The following ACTR3C variants were observed in gnomAD, a reference collection of about 807,000 sequenced individuals.
The protein encoded by ACTR3C is actin related protein 3C, also known as actin-related protein 3C.
Under a neutral mutation model 26.3 loss-of-function variants are expected in ACTR3C, and 18 were observed. That is an observed-to-expected ratio of 0.68 (90% CI 0.47 to 1.01). The LOEUF is 1.01. Ranked by LOEUF, ACTR3C falls within the 50% of genes least tolerant of loss-of-function variation. The pLI is 0.00. For missense variants in ACTR3C, 184 were observed against 250.7 expected (o/e 0.73, Z 1.80); for synonymous variants, 55 against 94.5 (o/e 0.58, Z 2.42).
the ACTR3C span, among the ~76,000 whole-genome samples, chr7:150,150,483 C>T: frequency 1.3e-5 from 2 of 150,558 alleles, no homozygotes. Context: ...GTAGCTGCTC[C>T]ATGCAGAGGG....
the ACTR3C span, among the ~76,000 whole-genome samples, chr7:150,014,874 C>A: frequency 6.6e-6 from 1 of 152,264 alleles, no homozygotes; most frequent in East Asian, 1.9e-4. Flanking sequence ...TGACTCTCAG[C>A]GGTATTACTC....
the ACTR3C span, among the ~76,000 whole-genome samples, chr7:150,096,290 T>A: frequency 6.6e-6 from 1 of 151,022 alleles, no homozygotes; most frequent in East Asian, 1.9e-4. Flanking sequence ...TCAATTAATT[T>A]GGAGTTTACG....
At chr7:149,919,095 G>A in the ACTR3C span, among the ~76,000 whole-genome samples, 4 of 152,188 alleles carry the variant, frequency 2.6e-5, no homozygotes, top group Non-Finnish European at 5.9e-5. Context: ...TGGCAGGGTC[G>A]GAGTACAATG....
intron 3 of ACTR3C, among the ~76,000 whole-genome samples, chr7:150,292,928 C>T (rs147053048): frequency 3.9e-5 from 6 of 152,386 alleles, no homozygotes; most frequent in Admixed American, 6.5e-5. Flanking sequence ...ACATCCAAAA[C>T]GGTGTCTATC....
the ACTR3C span, among the ~76,000 whole-genome samples, chr7:150,038,786 G>A: frequency 6.9e-6 from 1 of 144,186 alleles, no homozygotes. Flanking sequence ...CTGGCTCTCA[G>A]TCCCCGCCTC....
the ACTR3C span, among the ~76,000 whole-genome samples, chr7:150,085,702 A>T: frequency 1.3e-5 from 2 of 152,224 alleles, no homozygotes; most frequent in South Asian, 2.1e-4. Flanking sequence ...GTATTCTGAG[A>T]CCCAGAAGGA....
rs1340843138 is a variant in ACTR3C at position 150,284,981 on chromosome 7, T to C, written c.472-136A>G. On this transcript the variant is annotated intron_variant, in intron 5 of 7. Transcript: ENST00000683684. ...AGAATTCACATTGGAATGAAGGATA[T>C]GTCAAATGAATCCCATGTGACTACG... The C allele has an allele frequency of 1.4e-5, 12 of 872,378 alleles. No homozygotes were observed. In the Admixed American group the frequency reaches 3.4e-4, roughly 24 times the overall value. The allele number at this position is 872,378 out of a possible 1,614,324, so 54.0% of individuals were successfully genotyped here.
the ACTR3C span, among the ~76,000 whole-genome samples, chr7:149,974,542 C>G: frequency 6.6e-6 from 1 of 152,182 alleles, no homozygotes; most frequent in Non-Finnish European, 1.5e-5. Context: ...CCACTGCTGC[C>G]CCTCCACACC....
At chr7:150,083,304 A>G in the ACTR3C span, among the ~76,000 whole-genome samples, 2 of 151,896 alleles carry the variant, frequency 1.3e-5, no homozygotes, top group African/African-American at 2.4e-5. Context: ...GGTGGCTCAC[A>G]TCTGTAATCC....
At chr7:150,236,763 G>A in the ACTR3C span, among the ~76,000 whole-genome samples, 1 of 149,970 alleles carries the variant, frequency 6.7e-6, no homozygotes, top group East Asian at 1.9e-4. Context: ...AGTGTACCCC[G>A]TGAAAGCTCC....
At chr7:150,261,512 C>A (rs1437918353) in intron 6 of ACTR3C, among the ~76,000 whole-genome samples, 1 of 152,238 alleles carries the variant, frequency 6.6e-6, no homozygotes, top group Non-Finnish European at 1.5e-5. Context: ...ATCAGCCTGG[C>A]CAACATGGTG....
chr7:150,148,303 C>A, the ACTR3C span, among the ~76,000 whole-genome samples: 2 of 152,000 alleles, frequency 1.3e-5, no homozygotes, highest in African/African-American at 2.4e-5. Context: ...GTGGTGAAAC[C>A]CTGTCTCTAC....
the ACTR3C span, among the ~76,000 whole-genome samples, chr7:150,069,438 G>A: frequency 6.6e-6 from 1 of 152,080 alleles, no homozygotes; most frequent in African/African-American, 2.4e-5. Context: ...TGCAAGATTA[G>A]AATTAAAAAA....
At chr7:150,287,353 C>T (rs1008858867) in intron 4 of ACTR3C, among the ~76,000 whole-genome samples, 2 of 149,900 alleles carry the variant, frequency 1.3e-5, no homozygotes, top group East Asian at 1.9e-4. Context: ...GGACTGAAGC[C>T]GCCAGGATGC....
the ACTR3C span, among the ~76,000 whole-genome samples, chr7:150,038,894 C>A: frequency 9.0e-6 from 1 of 111,530 alleles, no homozygotes. Context: ...GGTGCCTCCC[C>A]CCTGCGATGG....
At chr7:149,966,065 T>G in the ACTR3C span, among the ~76,000 whole-genome samples, 2 of 152,256 alleles carry the variant, frequency 1.3e-5, no homozygotes, top group African/African-American at 4.8e-5. Context: ...CCTGGACATG[T>G]CTGGCTGAGG....
intron 7 of ACTR3C, chr7:150,248,077 A>T (rs2533326): frequency 6.6e-6 from 1 of 152,344 alleles, no homozygotes; most frequent in Admixed American, 6.5e-5. Context: ...CCAAACTACA[A>T]TGGAACCTGC....
chr7:149,972,311 TG>T, the ACTR3C span, among the ~76,000 whole-genome samples: 4 of 152,256 alleles, frequency 2.6e-5, no homozygotes, highest in African/African-American at 9.6e-5. Flanking sequence ...TTCTACATAT[TG>T]TATTGTTTGG....
At chr7:150,235,438 C>T in the ACTR3C span, among the ~76,000 whole-genome samples, 1 of 152,220 alleles carries the variant, frequency 6.6e-6, no homozygotes, top group Admixed American at 6.5e-5. Flanking sequence ...TGCAATGTAG[C>T]TGTTGCTTTC....
Sources: allele counts gnomAD v4.1 joint callset (sites outside exome capture counted in the v4.1 genomes callset), GRCh38; gene constraint gnomAD v4.1.1; transcripts MANE v1.5; gene names NCBI Gene and HGNC (gene_info 2026-07-23, HGNC 2026-07-21).